LMF1: variants seen among roughly 807,000 people sequenced by gnomAD.
LMF1 encodes lipase maturation factor 1, also known as transmembrane protein 112.
A neutral mutation model predicts 60.6 loss-of-function variants in LMF1; 68 were observed. The ratio of observed to expected loss-of-function variants is 1.12; its 90% confidence interval spans 0.92 to 1.37. The LOEUF is 1.37. Among genes scored for constraint, LMF1 ranks in the 40% most tolerant of loss-of-function variants. The pLI is 0.00. For synonymous variants in LMF1, 418 were observed against 324.7 expected (o/e 1.29, Z -3.09); for missense variants, 948 against 767.2 (o/e 1.24, Z -2.78).
intron 5 of LMF1, among the ~76,000 whole-genome samples, chr16:882,462 G>A (rs1203402576): frequency 2.0e-5 from 3 of 152,254 alleles, no homozygotes; most frequent in Admixed American, 6.5e-5. Context: ...GCCAATGGTG[G>A]CCATGTGGCA....
intron 3 of LMF1, among the ~76,000 whole-genome samples, chr16:923,645 T>G (rs2071506708): frequency 6.6e-6 from 1 of 152,188 alleles, no homozygotes; most frequent in South Asian, 2.1e-4. Flanking sequence ...CTGTGGACTC[T>G]GAGCCTTACC....
intron 6 of LMF1, 131 bp from the exon 7 acceptor site, chr16:871,472 C>A (rs1208838684): frequency 4.3e-6 from 4 of 922,728 alleles, no homozygotes; most frequent in East Asian, 2.6e-5. Flanking sequence ...GTCCCTCGGG[C>A]CCAGCATCAC....
chr16:871,407 T>C, intron 6 of LMF1, 66 bp from the exon 7 acceptor site: 3 of 1,381,064 alleles, frequency 2.2e-6, no homozygotes, highest in Non-Finnish European at 3.0e-6. Flanking sequence ...AGCTGGCGCC[T>C]CTCTTCCTGG....
chr16:876,220 C>T lies in LMF1; in HGVS notation c.897+3350G>A, dbSNP rs550328404. The stretch of plus-strand genomic sequence containing the variant: ...CAAGCAGTGGAGCCTGCAGGAGGTG[C>T]AGGAGCCCACGCGCGGCCGCGGAGG... On this transcript the variant is annotated intron_variant, in intron 6 of 10. Transcript: ENST00000262301. Among the ~76,000 whole-genome samples the T allele has an allele frequency of 7.1e-4, 108 of 152,360 alleles. 2 individuals are homozygous for T. The highest frequency in any genetic ancestry group is 2.5e-3 in the African/African-American group (104 of 41,586).
intron 9 of LMF1, 81 bp downstream of exon 9, chr16:869,802 C>T (rs931313342): frequency 3.9e-5 from 55 of 1,414,664 alleles, no homozygotes; most frequent in South Asian, 3.8e-5. Context: ...CTTCAGTGGG[C>T]GTTCTAGAAA....
At chr16:969,127 A>T (rs1477444933) in intron 1 of LMF1, 1 of 152,186 alleles carries the variant, frequency 6.6e-6, no homozygotes, top group Non-Finnish European at 1.5e-5. Context: ...CCTGGCCAAC[A>T]TGGTGAAACC....
rs760702108 is a variant in LMF1, at chr16:875,907, C to T, written c.897+3663G>A. Among the ~76,000 whole-genome samples the T allele has an allele frequency of 5.9e-5, 9 of 152,192 alleles. 1 individual carries two copies. The highest frequency in any genetic ancestry group is 2.6e-4 in the Admixed American group (4 of 15,292). ...CCTCCAGCAGCTGGGACCCCAGGAC[C>T]GCATGGCTGAAGACGGCTCAGGAGT... On this transcript the variant is annotated intron_variant, in intron 6 of 10. Transcript: ENST00000262301.
At chr16:930,283 G>A (rs2071742225) in intron 3 of LMF1, among the ~76,000 whole-genome samples, 1 of 152,176 alleles carries the variant, frequency 6.6e-6, no homozygotes, top group Non-Finnish European at 1.5e-5. Flanking sequence ...AGGACCCTGG[G>A]ACACAGAGCC....
intron 2 of LMF1, among the ~76,000 whole-genome samples, chr16:940,130 C>T (rs1007553396): frequency 6.6e-6 from 1 of 152,076 alleles, no homozygotes; most frequent in Admixed American, 6.5e-5. Flanking sequence ...CTGGAAGAGA[C>T]GAGGAAGGAC....
chr16:926,498 G>A (rs1014917150), intron 3 of LMF1, among the ~76,000 whole-genome samples: 1 of 152,204 alleles, frequency 6.6e-6, no homozygotes, highest in African/African-American at 2.4e-5. Context: ...GCGCACGTGT[G>A]TTTGCACGTC....
intron 2 of LMF1, among the ~76,000 whole-genome samples, chr16:941,719 A>T (rs1209127135): frequency 6.6e-6 from 1 of 152,260 alleles, no homozygotes; most frequent in East Asian, 1.9e-4. Flanking sequence ...CCTCAGCTAC[A>T]TATCTTTGCA....
intron 1 of LMF1, among the ~76,000 whole-genome samples, chr16:966,502 C>T (rs900443384): frequency 2.0e-5 from 3 of 152,250 alleles, no homozygotes; most frequent in South Asian, 2.1e-4. Flanking sequence ...CAAATGCCAA[C>T]GTTACCCAGT....
intron 5 of LMF1, among the ~76,000 whole-genome samples, chr16:890,212 C>T (rs893490223): frequency 5.3e-5 from 8 of 152,208 alleles, no homozygotes; most frequent in South Asian, 2.1e-4. Context: ...CACGGCGGTC[C>T]ACCTGCTGCA....
In LMF1 at chr16:970,803, G is replaced by T; in HGVS notation, c.178C>A (p.Leu60Ile). Residue 60 changes from leucine (L) to isoleucine (I), a missense_variant, in exon 1 of 11, where the codon CTA becomes ATA. By Grantham distance (5) the Leu-to-Ile change is conservative. Transcript: ENST00000262301. Reference sequence around the variant, plus strand: ...CGGCACTCACAGTACACGAAGGCTAGGGCCTTCAGGAGCACGATCCGGGTC... The same window carrying T: ...CGGCACTCACAGTACACGAAGGCTATGGCCTTCAGGAGCACGATCCGGGTC... ...WLTRIVLLKA[L>I]AFVYFVAFLV... 1 of 1,540,002 alleles carries T rather than the reference G, an allele frequency of 6.5e-7. No individual in the cohort carries two copies. Among genetic ancestry groups the T allele is most frequent in the Non-Finnish European group, 8.8e-7 (1 of 1,142,598 alleles).
intron 5 of LMF1, among the ~76,000 whole-genome samples, chr16:885,504 A>G (rs1043960672): frequency 3.3e-5 from 5 of 152,212 alleles, no homozygotes; most frequent in Admixed American, 2.0e-4. Context: ...GATCCGCTTC[A>G]AACACAAAGA....
chr16:857,428 GC>G (rs1444418766), intron 10 of LMF1, among the ~76,000 whole-genome samples: 1 of 151,536 alleles, frequency 6.6e-6, no homozygotes, highest in African/African-American at 2.4e-5. Flanking sequence ...TGATGGGTGT[GC>G]AGTGGTGTCA....
intron 4 of LMF1, chr16:901,083 G>A (rs1276350796): frequency 6.7e-6 from 1 of 148,178 alleles, no homozygotes; most frequent in Non-Finnish European, 1.5e-5. Context: ...TCGGGGGAGG[G>A]TTGGGAGGGG....
At chr16:875,650 G>A (rs1028747052) in intron 6 of LMF1, among the ~76,000 whole-genome samples, 1 of 152,152 alleles carries the variant, frequency 6.6e-6, no homozygotes, top group African/African-American at 2.4e-5. Flanking sequence ...CGGGAGGTGG[G>A]ATCCTGAGCA....
chr16:970,873 G>C lies in LMF1; in HGVS notation c.108C>G (p.Gly36=), dbSNP rs936446490. 1 of 1,567,650 alleles carries C rather than the reference G, an allele frequency of 6.4e-7. No homozygotes were observed. The highest frequency in any genetic ancestry group is 8.6e-7 in the Non-Finnish European group (1 of 1,158,916). ...GGAGATGGGCCGGAGAGCCTGCGGG[G>C]CCACGCCCCGGCGCGGGCGGCGACT... ...EPESPPAPGR[G]PAGSPAHLHT... is the part of the protein sequence containing the mutation. The change falls in exon 1 of 11, where the codon GGC becomes GGG. Residue 36 remains glycine, a synonymous_variant. Coordinates refer to ENST00000262301, the MANE Select transcript of LMF1 (RefSeq NM_022773.4).
Sources: gnomAD v4.1 joint callset for allele counts (sites outside exome capture counted in the v4.1 genomes callset) on GRCh38, gnomAD v4.1.1 for gene constraint, MANE v1.5 for transcripts, NCBI Gene and HGNC (gene_info 2026-07-23, HGNC 2026-07-21) for gene names.